The following TLK1 variants were observed in gnomAD, a reference collection of about 807,000 sequenced individuals.
TLK1 encodes the protein serine/threonine-protein kinase tousled-like 1.
In TLK1, 24 loss-of-function variants were observed where a neutral mutation model predicts 105.3. That is an observed-to-expected ratio of 0.23 (90% CI 0.17 to 0.32). TLK1 has a LOEUF of 0.32. TLK1 is among the 10% of genes least tolerant of loss of function. TLK1 has a pLI of 1.00. For synonymous variants in TLK1, 321 were observed against 310.4 expected, an observed-to-expected ratio of 1.03 and a Z score of -0.36; for missense variants, 558 against 910.5, an observed-to-expected ratio of 0.61 and a Z score of 4.98.
intron 11 of TLK1, among the ~76,000 whole-genome samples, chr2:171,029,463 C>G (rs561762076): frequency 6.6e-6 from 1 of 152,226 alleles, no homozygotes; most frequent in East Asian, 1.9e-4. Flanking sequence ...AACCCCGTCT[C>G]AATCTCCCTC....
At chr2:171,179,526 T>A (rs1318534458) in intron 1 of TLK1, among the ~76,000 whole-genome samples, 1 of 152,232 alleles carries the variant, frequency 6.6e-6, no homozygotes, top group Non-Finnish European at 1.5e-5. Flanking sequence ...GCTCCTTATA[T>A]TCCTTTTATG....
intron 3 of TLK1, among the ~76,000 whole-genome samples, chr2:171,073,765 TA>T (rs963683879): frequency 2.7e-4 from 39 of 146,506 alleles, no homozygotes; most frequent in Non-Finnish European, 2.6e-4. Context: ...GTTTTCTCTT[TA>T]AAAAAAAAAA....
At position 170,996,741 on chromosome 2, in the gene TLK1, G is replaced by T; in HGVS notation, c.2036C>A (p.Ser679Tyr). The T allele has an allele frequency of 6.2e-7, 1 of 1,609,276 alleles. No homozygotes were observed. The highest frequency in any genetic ancestry group is 8.5e-7 in the Non-Finnish European group (1 of 1,178,218). The change falls in exon 20 of 21, where the codon TCT (serine) becomes TAT (tyrosine). Residue 679 changes from serine (S) to tyrosine (Y), a missense_variant. By Grantham distance (144) the Ser-to-Tyr change is moderately radical (BLOSUM62 -2). Around this residue, in one of 5 missense-constraint regions of TLK1, gnomAD observed 218 missense variants for 492.9 expected, o/e 0.44. Coordinates refer to ENST00000431350, the MANE Select transcript of TLK1 (RefSeq NM_012290.5). ...YGRKPFGHNQ[S>Y]QQDILQENTI... The stretch of plus-strand genomic sequence containing the variant: ...ATTTTCTTGAAGAATGTCTTGTTGA[G>T]ATTGATTGTGACCAAATGGCTTAAA...
rs1186336898 is a variant in TLK1, at chr2:171,160,262, G to A, written c.139+28C>T. The A allele has an allele frequency of 2.7e-6, 4 of 1,485,728 alleles. No individual in the cohort carries two copies. The highest frequency in any genetic ancestry group is 3.6e-6 in the Non-Finnish European group (4 of 1,123,178). The allele number at this position is 1,485,728 out of a possible 1,614,324, so 92.0% of individuals were successfully genotyped here. A position where few individuals can be genotyped will look rare whatever the true frequency, so the allele number is the denominator to read the frequency against. Reference sequence around the variant, plus strand: ...CCGCGGCGCGGGAGAGGAGGCCCGCGAGCGGGCGCGGGCGCGGCGGTGCTT... The same window carrying A: ...CCGCGGCGCGGGAGAGGAGGCCCGCAAGCGGGCGCGGGCGCGGCGGTGCTT... On this transcript the variant is annotated intron_variant, in intron 1 of 20. Transcript: ENST00000431350. This position sits in a 1 kb window ranked among gnomAD's most constrained non-coding sequence, Gnocchi z 4.4.
At chr2:171,123,681 T>C (rs1036174920) in intron 1 of TLK1, among the ~76,000 whole-genome samples, 1 of 152,182 alleles carries the variant, frequency 6.6e-6, no homozygotes, top group African/African-American at 2.4e-5. Flanking sequence ...TGTGGTGGTA[T>C]GCACCTATGG....
At chr2:171,057,742 T>C (rs1687570568) in intron 5 of TLK1, among the ~76,000 whole-genome samples, 1 of 152,098 alleles carries the variant, frequency 6.6e-6, no homozygotes, top group South Asian at 2.1e-4. Flanking sequence ...TACTCTTCAA[T>C]TCAGACTTTG....
intron 1 of TLK1, among the ~76,000 whole-genome samples, chr2:171,135,319 GTATA>G (rs201751767): frequency 1.8e-3 from 126 of 70,272 alleles, no homozygotes; most frequent in Middle Eastern, 0.018. Flanking sequence ...GTGTGTGTGT[GTATA>G]TATATATATA....
intron 2 of TLK1, among the ~76,000 whole-genome samples, chr2:171,089,472 G>A (rs1035494831): frequency 2.0e-5 from 3 of 152,154 alleles, no homozygotes; most frequent in African/African-American, 7.2e-5. Context: ...AAAGTGAAGA[G>A]TTATTTATTT....
rs779790578 is a variant in TLK1 at position 171,050,187 on chromosome 2, T to C, written c.733-13A>G. The C allele has an allele frequency of 2.5e-6, 4 of 1,576,616 alleles. No homozygotes were observed. The East Asian group carries it at 6.8e-5, about 27-fold the overall frequency. ...GATCACAGTTAGCCTATGACATAAG[T>C]AGAAAATGCAAGAGGTCTAGACTGG... On this transcript the variant is annotated splice_polypyrimidine_tract_variant and intron_variant, in intron 8 of 20. Transcript: ENST00000431350.
At position 171,069,970 on chromosome 2, in the gene TLK1, A is replaced by G. The variant is rs187620871; in HGVS notation, c.331-8814T>C. 4.7e-3 allele frequency among the ~76,000 whole-genome samples: 716 copies of G among 152,326 alleles called. 7 individuals are homozygous for G. The highest frequency in any genetic ancestry group is 0.016 in the African/African-American group (655 of 41,580). ...GATACACTCATCCTGATTGTATACTAGGAAATGCTAGCAAGTGAGATGAGT... is the reference window on the plus strand; with the variant it reads ...GATACACTCATCCTGATTGTATACTGGGAAATGCTAGCAAGTGAGATGAGT... On this transcript the variant is annotated intron_variant, in intron 3 of 20. Transcript: ENST00000431350.
chr2:171,179,131 T>C (rs879439830), intron 1 of TLK1, among the ~76,000 whole-genome samples: 2 of 152,182 alleles, frequency 1.3e-5, no homozygotes, highest in African/African-American at 2.4e-5. Flanking sequence ...ACCAACTGTA[T>C]AGGGAAATTG....
At chr2:171,199,098 G>T (rs1693350253) in intron 1 of TLK1, among the ~76,000 whole-genome samples, 1 of 152,220 alleles carries the variant, frequency 6.6e-6, no homozygotes, top group Admixed American at 6.5e-5. Flanking sequence ...TAAGTTGTTT[G>T]CAGCTTGGAA....
chr2:171,072,881 ATTGTGCC>A (rs1396013637), intron 3 of TLK1, among the ~76,000 whole-genome samples: 1 of 145,160 alleles, frequency 6.9e-6, no homozygotes, highest in Admixed American at 7.1e-5. Flanking sequence ...GTGAGCTGAG[ATTGTGCC>A]AGTGCACTCC....
At chr2:171,128,539 C>G (rs1044037908) in intron 1 of TLK1, among the ~76,000 whole-genome samples, 2 of 152,076 alleles carry the variant, frequency 1.3e-5, no homozygotes, top group Non-Finnish European at 1.5e-5. Context: ...TAAATATTAG[C>G]ATATATAATG....
chr2:171,040,364 A>G (rs1686601854), intron 11 of TLK1, among the ~76,000 whole-genome samples: 1 of 152,162 alleles, frequency 6.6e-6, no homozygotes, highest in Non-Finnish European at 1.5e-5. Context: ...TGCAGGTAAC[A>G]TATGTGCCAC....
chr2:171,094,141 A>C (rs151027418), intron 2 of TLK1, among the ~76,000 whole-genome samples: 128 of 151,078 alleles, frequency 8.5e-4, no homozygotes, highest in African/African-American at 2.8e-3. Flanking sequence ...ATATTATTTG[A>C]ATTTTAAAGT....
chr2:171,179,022 A>G (rs752154167), intron 1 of TLK1, among the ~76,000 whole-genome samples: 4 of 152,150 alleles, frequency 2.6e-5, no homozygotes, highest in Non-Finnish European at 5.9e-5. Flanking sequence ...AGTGCTTTTT[A>G]TAGCCTCATC....
intron 1 of TLK1, among the ~76,000 whole-genome samples, chr2:171,205,861 A>G (rs1350937515): frequency 6.6e-6 from 1 of 152,222 alleles, no homozygotes; most frequent in Non-Finnish European, 1.5e-5. Context: ...TTGAAATGAA[A>G]TATTATATAC....
At chr2:171,178,044 C>T (rs7579626) in intron 1 of TLK1, among the ~76,000 whole-genome samples, 4 of 151,812 alleles carry the variant, frequency 2.6e-5, no homozygotes, top group Non-Finnish European at 4.4e-5. Context: ...GTGATCCACC[C>T]GCCTTGGCCT....
Sources: gnomAD v4.1 joint callset for allele counts (sites outside exome capture counted in the v4.1 genomes callset) on GRCh38, gnomAD v4.1.1 for gene constraint, gnomAD v4.1.1 regional missense constraint, Gnocchi (gnomAD v3.1) non-coding constraint, MANE v1.5 for transcripts, NCBI Gene and HGNC (gene_info 2026-07-23, HGNC 2026-07-21) for gene names.